Variants in LETM1 observed in about 807,000 individuals in gnomAD.
The protein encoded by LETM1 is mitochondrial proton/calcium exchanger protein.
A neutral mutation model predicts 74.5 loss-of-function variants in LETM1; 50 were observed. That is an observed-to-expected ratio of 0.67 (90% confidence interval 0.53 to 0.85). The LOEUF is 0.85. Ranked by LOEUF, LETM1 falls within the 40% of genes least tolerant of loss-of-function variation. The pLI, the probability that LETM1 is intolerant of heterozygous loss-of-function variation, is 0.00. For synonymous variants in LETM1, 446 were observed against 407.1 expected, an observed-to-expected ratio of 1.10 and a Z score of -1.15; for missense variants, 824 against 967.8, an observed-to-expected ratio of 0.85 and a Z score of 1.97.
chr4:1,845,314 A>G (rs944433676), intron 2 of LETM1, among the ~76,000 whole-genome samples: 1 of 152,034 alleles, frequency 6.6e-6, no homozygotes, highest in African/African-American at 2.4e-5. Context: ...TACCATTTAT[A>G]GCTACTTATC....
intron 10 of LETM1, 109 bp from the exon 11 acceptor site, chr4:1,819,581 G>A: frequency 8.0e-7 from 1 of 1,255,246 alleles, no homozygotes; most frequent in Non-Finnish European, 1.1e-6. Context: ...CAGGGCAAGA[G>A]TCTCACTGGA....
intron 6 of LETM1, among the ~76,000 whole-genome samples, chr4:1,828,648 C>T (rs1209841129): frequency 4.3e-4 from 55 of 128,488 alleles, no homozygotes; most frequent in African/African-American, 8.0e-4. Context: ...GAGGCGCCCC[C>T]CACCTCCCGG....
At chr4:1,855,319 C>G (rs1462379597) in intron 1 of LETM1, among the ~76,000 whole-genome samples, 1 of 152,260 alleles carries the variant, frequency 6.6e-6, no homozygotes, top group Admixed American at 6.5e-5. Flanking sequence ...GCTAAAGCCA[C>G]GCACCCTGAG....
chr4:1,851,694 A>G (rs1713075784), intron 1 of LETM1, among the ~76,000 whole-genome samples: 1 of 152,206 alleles, frequency 6.6e-6, no homozygotes, highest in Non-Finnish European at 1.5e-5. Context: ...CCACATGAAG[A>G]GGGCCCAGCG....
chr4:1,822,243 G>C lies in LETM1; in HGVS notation c.1546C>G (p.Pro516Ala). ...GTCTCTGACTGCAGGACTGTGTCAG[G>C]CATTTCTGGCTGTGGCTCGGTCCCC... ...RPGTEPQPEM[P>A]DTVLQSETLK... is the part of the protein sequence containing the mutation. Residue 516 changes from proline (P) to alanine (A), a missense_variant, in exon 10 of 14, where the codon CCT (proline) becomes GCT (alanine). By Grantham distance (27) the Pro-to-Ala change is conservative. Around this residue, in one of 4 missense-constraint regions of LETM1, gnomAD observed 172 missense variants for 170.7 expected, o/e 1.01. Coordinates refer to ENST00000302787, the MANE Select transcript of LETM1 (RefSeq NM_012318.3). 6.5e-7 allele frequency: 1 copy of C among 1,547,934 alleles called. No individual in the cohort carries two copies. Among genetic ancestry groups the C allele is most frequent in the Middle Eastern group, 1.7e-4 (1 of 5,858 alleles).
rs57663838 is a variant in LETM1 at position 1,848,286 on chromosome 4, T to C, written c.143+863A>G. On this transcript the variant is annotated intron_variant, in intron 2 of 13. Coordinates refer to ENST00000302787, the MANE Select transcript of LETM1 (RefSeq NM_012318.3). ...AGGTGCGGCCGGACGCGGTGGCTCA[T>C]GCCTGTAATCCCAGCACTTTGGGAG... Among the ~76,000 whole-genome samples the C allele has an allele frequency of 7.3e-3, 1,108 of 151,944 alleles. 14 individuals carry two copies. The highest frequency in any genetic ancestry group is 0.025 in the African/African-American group (1,056 of 41,456).
chr4:1,845,862 T>C (rs1712867307), intron 2 of LETM1, among the ~76,000 whole-genome samples: 1 of 151,178 alleles, frequency 6.6e-6, no homozygotes, highest in Non-Finnish European at 1.5e-5. Flanking sequence ...AATTATTATA[T>C]TATTATTTTT....
intron 7 of LETM1, among the ~76,000 whole-genome samples, chr4:1,824,304 G>GAGCA (rs982021147): frequency 2.6e-5 from 4 of 152,190 alleles, no homozygotes; most frequent in African/African-American, 9.6e-5. Context: ...CTGTGTGACA[G>GAGCA]AGCAAGACTC....
intron 2 of LETM1, among the ~76,000 whole-genome samples, chr4:1,843,449 A>G (rs375094503): frequency 5.3e-5 from 8 of 152,310 alleles, no homozygotes; most frequent in East Asian, 1.9e-4. Flanking sequence ...GGCAGCTTAG[A>G]GCGAGCACAC....
chr4:1,843,542 C>A (rs1712778897), intron 2 of LETM1, among the ~76,000 whole-genome samples: 1 of 152,248 alleles, frequency 6.6e-6, no homozygotes, highest in South Asian at 2.1e-4. Context: ...CTCTCCCAGG[C>A]TCAAAATCTT....
intron 7 of LETM1, among the ~76,000 whole-genome samples, chr4:1,824,949 G>A (rs1258550584): frequency 2.6e-5 from 4 of 152,276 alleles, no homozygotes; most frequent in Admixed American, 2.6e-4. Flanking sequence ...TACACTTGCA[G>A]GTTGTGTGAA....
rs757215236 is a variant in LETM1, at chr4:1,832,825, C to T, written c.999G>A (p.Leu333=). The part of the protein sequence containing the change: ...RPQLVALCKL[L]ELQSIGTNNF... ...TGTTGGTGCCGATGGACTGTAGCTC[C>T]AGCAGCTTGCACAGGGCCACCAGCT... is the stretch of plus-strand genomic sequence containing the variant. Residue 333 remains leucine, a synonymous_variant, in exon 6 of 14, where the codon CTG becomes CTA. Coordinates refer to ENST00000302787, the MANE Select transcript of LETM1 (RefSeq NM_012318.3). 5 of 1,614,044 alleles carry T rather than the reference C, an allele frequency of 3.1e-6. No homozygotes were observed. Among genetic ancestry groups the T allele is most frequent in the South Asian group, 2.2e-5 (2 of 91,072 alleles).
rs1338572961 is a variant in LETM1, at chr4:1,822,184, C to T, written c.1605G>A (p.Leu535=). ...GCCCCAGAACCTGCCTCATTACCTT[C>T]AAGCCCTCCAGCACCGGGGCAGTGT... The part of the protein sequence containing the change: ...LKDTAPVLEG[L]KEEEITKEEI... Residue 535 remains leucine (L), a synonymous_variant, in exon 10 of 14, where the codon TTG becomes TTA. Coordinates refer to ENST00000302787, the MANE Select transcript of LETM1 (RefSeq NM_012318.3). 1.4e-6 allele frequency: 2 copies of T among 1,425,946 alleles called. No individual in the cohort carries two copies. The highest frequency in any genetic ancestry group is 3.2e-5 in the South Asian group (2 of 62,320). The allele number at this position is 1,425,946 out of a possible 1,614,324, so 88.3% of individuals were successfully genotyped here. A position where few individuals can be genotyped will look rare whatever the true frequency, so the allele number is the denominator to read the frequency against.
intron 5 of LETM1, 191 bp from the exon 6 acceptor site, chr4:1,833,138 C>G: frequency 1.7e-6 from 1 of 584,422 alleles, no homozygotes; most frequent in South Asian, 2.0e-5. Flanking sequence ...GTGGTGTAAT[C>G]TCGGTTCACT....
intron 1 of LETM1, 34 bp downstream of exon 1, chr4:1,855,835 G>T: frequency 2.5e-6 from 3 of 1,190,854 alleles, no homozygotes; most frequent in South Asian, 3.9e-5. Context: ...CACCAGCCGG[G>T]AGCCGGCCCC....
chr4:1,814,272 T>G lies in LETM1; in HGVS notation c.*152A>C. The G allele has an allele frequency of 8.2e-7, 1 of 1,222,810 alleles. No homozygotes were observed. Among genetic ancestry groups the G allele is most frequent in the Non-Finnish European group, 1.2e-6 (1 of 867,104 alleles). The allele number at this position is 1,222,810 out of a possible 1,614,324, so 75.7% of individuals were successfully genotyped here. On this transcript the variant is annotated 3_prime_UTR_variant, in exon 14 of 14. Transcript: ENST00000302787. Reference sequence around the variant, plus strand: ...GACAGACTGAATCTCCGTGGAATGATGAAAATTAAAATTTACTTGATTATG... The same window carrying G: ...GACAGACTGAATCTCCGTGGAATGAGGAAAATTAAAATTTACTTGATTATG...
chr4:1,819,563 G>C, intron 10 of LETM1, 91 bp from the exon 11 acceptor site: 1 of 1,381,226 alleles, frequency 7.2e-7, no homozygotes, highest in Non-Finnish European at 9.8e-7. Flanking sequence ...CATATTATAC[G>C]GGCAGCCCAG....
intron 2 of LETM1, among the ~76,000 whole-genome samples, chr4:1,848,842 C>T (rs1712973397): frequency 6.6e-6 from 1 of 152,038 alleles, no homozygotes; most frequent in Non-Finnish European, 1.5e-5. Context: ...TTGCCAGTGC[C>T]CACTCCAACT....
At chr4:1,829,757 C>A (rs1032854081) in intron 6 of LETM1, among the ~76,000 whole-genome samples, 1 of 152,150 alleles carries the variant, frequency 6.6e-6, no homozygotes, top group East Asian at 1.9e-4. Flanking sequence ...GAGATCAAGG[C>A]TACAGTGAGT....
Sources: allele counts gnomAD v4.1 joint callset (sites outside exome capture counted in the v4.1 genomes callset), GRCh38; gene constraint gnomAD v4.1.1; regional missense constraint gnomAD v4.1.1; transcripts MANE v1.5; gene names NCBI Gene and HGNC (gene_info 2026-07-23, HGNC 2026-07-21).